The following SYNPR variants were observed in gnomAD, a reference collection of about 807,000 sequenced individuals.
SYNPR encodes synaptoporin.
A neutral mutation model predicts 32.9 loss-of-function variants in SYNPR; 23 were observed. The observed-to-expected ratio is 0.70, with a 90% confidence interval of 0.50 to 0.99. The LOEUF is 0.99. Ranked by LOEUF, SYNPR falls within the 50% of genes least tolerant of loss-of-function variation. The probability of loss-of-function intolerance (pLI) is 0.00; values close to 1 mark genes in which losing one functional copy is unlikely to be tolerated. For synonymous variants in SYNPR, 146 were observed against 135.9 expected (o/e 1.07, Z -0.52); for missense variants, 318 against 349.3 (o/e 0.91, Z 0.71).
chr3:63,552,545 A>G (rs555694154), intron 3 of SYNPR, among the ~76,000 whole-genome samples: 48 of 152,162 alleles, frequency 3.2e-4, no homozygotes, highest in Non-Finnish European at 6.6e-4. Flanking sequence ...TGGACTTGAG[A>G]AATAAGGAAC....
chr3:63,321,378 C>T (rs1053297255), intron 2 of SYNPR, among the ~76,000 whole-genome samples: 3 of 152,106 alleles, frequency 2.0e-5, no homozygotes, highest in African/African-American at 7.2e-5. Context: ...TCTATTCTTG[C>T]TCTGTTGAGA....
chr3:63,402,913 C>T (rs2107104040), intron 2 of SYNPR, among the ~76,000 whole-genome samples: 1 of 152,284 alleles, frequency 6.6e-6, no homozygotes, highest in East Asian at 1.9e-4. Flanking sequence ...CTAAACTTTT[C>T]TGAAACATGA....
At chr3:63,493,703 C>G (rs1701300830) in intron 3 of SYNPR, among the ~76,000 whole-genome samples, 1 of 151,594 alleles carries the variant, frequency 6.6e-6, no homozygotes, top group African/African-American at 2.4e-5. Context: ...GTAGTCCCAG[C>G]TACTTGGGAG....
intron 3 of SYNPR, among the ~76,000 whole-genome samples, chr3:63,524,853 A>ATGTG (rs764949799): frequency 3.0e-5 from 2 of 66,264 alleles, no homozygotes; most frequent in East Asian, 5.2e-4. Flanking sequence ...GTGTGTGTGC[A>ATGTG]TGTGTGTGTG....
intron 2 of SYNPR, among the ~76,000 whole-genome samples, chr3:63,349,108 A>AT (rs34982859): frequency 0.19 from 27,735 of 148,304 alleles, 2,900 homozygotes; most frequent in South Asian, 0.3. Flanking sequence ...AACAACATTA[A>AT]TTTTTTTTTT....
At chr3:63,223,469 G>A (rs899864009), upstream of SYNPR, among the ~76,000 whole-genome samples, 2 of 151,848 alleles carry the variant, frequency 1.3e-5, no homozygotes, top group Admixed American at 6.6e-5. Context: ...GGTGGGAGAC[G>A]GGCTTGGTAC....
At chr3:63,230,096 T>C (rs556097335) in intron 1 of SYNPR, among the ~76,000 whole-genome samples, 2 of 152,252 alleles carry the variant, frequency 1.3e-5, no homozygotes, top group African/African-American at 4.8e-5. Context: ...CTTCTAGTGG[T>C]TTTGTTTTCC....
At chr3:63,352,939 G>A (rs2087529085) in intron 2 of SYNPR, among the ~76,000 whole-genome samples, 1 of 152,202 alleles carries the variant, frequency 6.6e-6, no homozygotes, top group Non-Finnish European at 1.5e-5. Context: ...CCCATGACAT[G>A]TGGGAATTAT....
chr3:63,367,194 T>A (rs755475728), intron 2 of SYNPR, among the ~76,000 whole-genome samples: 1 of 151,956 alleles, frequency 6.6e-6, no homozygotes, highest in African/African-American at 2.4e-5. Context: ...AAGTAAGGAG[T>A]AATTTTATAT....
rs535702470 is a variant in SYNPR at position 63,415,220 on chromosome 3, T to C, written c.85-65612T>C. ...CTATAAAATGGTGTGCTCCTATACA[T>C]CCCCTCACAACACAGCATTCAACAA... On this transcript the variant is annotated intron_variant, in intron 2 of 5. Transcript: ENST00000478300. 1.5e-4 allele frequency among the ~76,000 whole-genome samples: 23 copies of C among 152,288 alleles called. No homozygotes were observed. The East Asian group carries it at 4.2e-3, about 28-fold the overall frequency.
intron 2 of SYNPR, among the ~76,000 whole-genome samples, chr3:63,360,911 T>C (rs531711108): frequency 6.6e-6 from 1 of 152,314 alleles, no homozygotes; most frequent in South Asian, 2.1e-4. Context: ...TTTGCGTCTA[T>C]TGTCTGTTTA....
intron 2 of SYNPR, among the ~76,000 whole-genome samples, chr3:63,454,818 T>C (rs1700450526): frequency 6.6e-6 from 1 of 152,122 alleles, no homozygotes; most frequent in East Asian, 1.9e-4. Context: ...GAGGTTATTG[T>C]AGGTTTAAAC....
chr3:63,478,356 A>G (rs758308488), intron 2 of SYNPR, among the ~76,000 whole-genome samples: 8 of 152,196 alleles, frequency 5.3e-5, no homozygotes, highest in Non-Finnish European at 7.3e-5. Flanking sequence ...CTTCAATTCC[A>G]ATTTGTTACA....
At chr3:63,506,723 C>G (rs142671874) in intron 3 of SYNPR, among the ~76,000 whole-genome samples, 1 of 152,024 alleles carries the variant, frequency 6.6e-6, no homozygotes, top group Non-Finnish European at 1.5e-5. Context: ...TTGGGAAATG[C>G]GGAGTTAGAC....
At chr3:63,233,925 G>A (rs1314148739) in intron 1 of SYNPR, among the ~76,000 whole-genome samples, 1 of 152,158 alleles carries the variant, frequency 6.6e-6, no homozygotes, top group Non-Finnish European at 1.5e-5. Context: ...AATGACTGAG[G>A]AGACAGACAC....
At chr3:63,237,985 A>G (rs1407058202) in intron 1 of SYNPR, among the ~76,000 whole-genome samples, 1 of 151,972 alleles carries the variant, frequency 6.6e-6, no homozygotes, top group Non-Finnish European at 1.5e-5. Flanking sequence ...ATGCCACTGG[A>G]CTTGCTTGAT....
chr3:63,376,288 C>T (rs995634676), intron 2 of SYNPR, among the ~76,000 whole-genome samples: 1 of 152,194 alleles, frequency 6.6e-6, no homozygotes, highest in African/African-American at 2.4e-5. Context: ...CAAGAATGAT[C>T]TTGTTATAAC....
chr3:63,546,817 A>C (rs1256843805), intron 3 of SYNPR, among the ~76,000 whole-genome samples: 1 of 152,198 alleles, frequency 6.6e-6, no homozygotes, highest in Non-Finnish European at 1.5e-5. Context: ...GAAGTATAGC[A>C]CTTTGTCTTT....
intron 4 of SYNPR, among the ~76,000 whole-genome samples, chr3:63,558,230 C>T (rs72887396): frequency 6.6e-6 from 1 of 152,184 alleles, no homozygotes; most frequent in Non-Finnish European, 1.5e-5. Context: ...GCTAAATAAA[C>T]CTCTTTTCTT....
Sources: gnomAD v4.1 joint callset for allele counts (sites outside exome capture counted in the v4.1 genomes callset) on GRCh38, gnomAD v4.1.1 for gene constraint, MANE v1.5 for transcripts, NCBI Gene and HGNC (gene_info 2026-07-23, HGNC 2026-07-21) for gene names.